Variants in PSTPIP1 observed in about 807,000 individuals in gnomAD.
PSTPIP1 encodes proline-serine-threonine phosphatase-interacting protein 1.
A neutral mutation model predicts 69.6 loss-of-function variants in PSTPIP1; 66 were observed. The observed-to-expected ratio is 0.95, with a 90% confidence interval of 0.78 to 1.16. The LOEUF is 1.16. PSTPIP1 is among the 50% of genes most tolerant of loss of function. The pLI, the probability that PSTPIP1 is intolerant of heterozygous loss-of-function variation, is 0.00. For missense variants in PSTPIP1, 603 were observed against 557.4 expected (o/e 1.08, Z -0.82); for synonymous variants, 266 against 222.7 (o/e 1.19, Z -1.73).
At chr15:77,022,449 A>G (rs1482919736) in intron 3 of PSTPIP1, among the ~76,000 whole-genome samples, 1 of 152,258 alleles carries the variant, frequency 6.6e-6, no homozygotes, top group East Asian at 1.9e-4. Context: ...GGCACTGGTG[A>G]CAGATGGCAG....
At chr15:77,015,135 C>A (rs1234855216) in intron 1 of PSTPIP1, among the ~76,000 whole-genome samples, 1 of 152,198 alleles carries the variant, frequency 6.6e-6, no homozygotes, top group Non-Finnish European at 1.5e-5. Context: ...TGAATTATAG[C>A]CCAAAATACA....
chr15:76,995,149 GCTGCCTGCCTGC>G lies in PSTPIP1; in HGVS notation c.-413_-402del. On this transcript the variant is annotated 5_prime_UTR_variant, in exon 1 of 15. Coordinates refer to ENST00000558012, the MANE Select transcript of PSTPIP1 (RefSeq NM_003978.5). Reference sequence around the variant, plus strand: ...ACAAACCTTCCTGCGCAGGCCTCGGGCTGCCTGCCTGCCTGCCTGCCTGGCCCGGCCCGAGCT... The same window carrying G: ...ACAAACCTTCCTGCGCAGGCCTCGGGCTGCCTGCCTGGCCCGGCCCGAGCT... 8.5e-7 allele frequency: 1 copy of G among 1,170,604 alleles called. No homozygotes were observed. 72.5% of individuals were successfully genotyped at this position (1,170,604 alleles called of 1,614,324 possible).
chr15:77,020,868 TGGG>T (rs201125747), intron 3 of PSTPIP1, among the ~76,000 whole-genome samples: 5,089 of 115,532 alleles, frequency 0.044, 129 homozygotes, highest in East Asian at 0.058. Flanking sequence ...TAGACTCCTG[TGGG>T]GGGGGGGGGT....
intron 5 of PSTPIP1, among the ~76,000 whole-genome samples, chr15:77,026,842 C>T (rs781666219): frequency 1.3e-4 from 20 of 152,226 alleles, no homozygotes; most frequent in Admixed American, 5.2e-4. Flanking sequence ...GGAGGGACCC[C>T]GGCCCTGCTA....
chr15:77,019,618 G>A (rs1301943077), intron 3 of PSTPIP1, among the ~76,000 whole-genome samples: 2 of 152,178 alleles, frequency 1.3e-5, no homozygotes, highest in South Asian at 2.1e-4. Context: ...GTCCCGGCTC[G>A]GCCAATCTGA....
intron 11 of PSTPIP1, 120 bp downstream of exon 11, chr15:77,032,514 A>G: frequency 9.2e-7 from 1 of 1,085,354 alleles, no homozygotes; most frequent in Non-Finnish European, 1.4e-6. Flanking sequence ...TTCAGGGCAG[A>G]GAAGCCCTAG....
chr15:76,999,271 A>C (rs2075646652), intron 1 of PSTPIP1, among the ~76,000 whole-genome samples: 1 of 149,014 alleles, frequency 6.7e-6, no homozygotes. Context: ...CCCATTTTTT[A>C]CTTCATTTCA....
chr15:77,012,251 A>G (rs2075957929), intron 1 of PSTPIP1, among the ~76,000 whole-genome samples: 1 of 145,488 alleles, frequency 6.9e-6, no homozygotes, highest in Non-Finnish European at 1.5e-5. Flanking sequence ...CCACTCATCC[A>G]TCTACCTACC....
At chr15:76,995,849 A>C (rs1596029695) in intron 1 of PSTPIP1, among the ~76,000 whole-genome samples, 1 of 152,192 alleles carries the variant, frequency 6.6e-6, no homozygotes, top group East Asian at 1.9e-4. Flanking sequence ...CTCCTCTGGG[A>C]GACCTCTCCC....
At chr15:77,035,349 G>A (rs2076533194) in intron 12 of PSTPIP1, among the ~76,000 whole-genome samples, 159 bp from the exon 13 acceptor site, 1 of 152,158 alleles carries the variant, frequency 6.6e-6, no homozygotes, top group African/African-American at 2.4e-5. Context: ...CTGCCTGAGG[G>A]GCACCTCATA....
intron 1 of PSTPIP1, among the ~76,000 whole-genome samples, chr15:77,014,455 G>A (rs2076009671): frequency 6.6e-6 from 1 of 152,198 alleles, no homozygotes; most frequent in Admixed American, 6.5e-5. Context: ...ACAGGCCCGA[G>A]TACCCTCTCT....
intron 1 of PSTPIP1, among the ~76,000 whole-genome samples, chr15:77,008,630 G>C (rs1005797095): frequency 4.6e-5 from 7 of 152,092 alleles, no homozygotes; most frequent in African/African-American, 1.7e-4. Flanking sequence ...GGCTTGTCTC[G>C]CACTCCTGAC....
intron 1 of PSTPIP1, among the ~76,000 whole-genome samples, chr15:77,003,163 A>G (rs1270311625): frequency 6.6e-6 from 1 of 152,122 alleles, no homozygotes; most frequent in Non-Finnish European, 1.5e-5. Context: ...GCAAAAGAGG[A>G]CAGAGGCTGC....
At chr15:77,003,828 G>A (rs1035605160) in intron 1 of PSTPIP1, among the ~76,000 whole-genome samples, 6 of 152,104 alleles carry the variant, frequency 3.9e-5, no homozygotes, top group Admixed American at 1.3e-4. Flanking sequence ...AGGTTGGGGC[G>A]GCTCAGGGCA....
chr15:77,036,917 G>T, intron 14 of PSTPIP1, 128 bp from the exon 15 acceptor site: 1 of 1,300,254 alleles, frequency 7.7e-7, no homozygotes. Context: ...GTGTCCCCAA[G>T]GGGCTGCCCC....
Position 77,007,884 on chromosome 15 carries a change from G to A in PSTPIP1, c.37-10264G>A, listed in dbSNP as rs139903276. 340 of 455,888 alleles carry A rather than the reference G, an allele frequency of 7.5e-4. No homozygotes were observed. Among genetic ancestry groups the A allele is most frequent in the East Asian group, 1.5e-3 (22 of 14,346 alleles). 28.2% of individuals were successfully genotyped at this position (455,888 alleles called of 1,614,324 possible). ...GCTGGGATTACAAGTGTGAGCCACCGCGCCCGACTGGCAATAGAACACTTT... is the reference window on the plus strand; with the variant it reads ...GCTGGGATTACAAGTGTGAGCCACCACGCCCGACTGGCAATAGAACACTTT... On this transcript the variant is annotated intron_variant, in intron 1 of 14. Coordinates refer to ENST00000558012, the MANE Select transcript of PSTPIP1 (RefSeq NM_003978.5).
chr15:77,018,444 CTTTTT>C lies in PSTPIP1; in HGVS notation c.138-9_138-5del. ...AGTCACTGATGATCTTTCAAATGCC[CTTTTT>C]TTTGCAGGGCCCAGGCGGAGGAGCG... On this transcript the variant is annotated splice_region_variant and splice_polypyrimidine_tract_variant and intron_variant, in intron 2 of 14. Coordinates refer to ENST00000558012, the MANE Select transcript of PSTPIP1 (RefSeq NM_003978.5). 1 of 1,566,880 alleles carries C rather than the reference CTTTTT, an allele frequency of 6.4e-7. No individual in the cohort carries two copies. The highest frequency in any genetic ancestry group is 8.7e-7 in the Non-Finnish European group (1 of 1,155,280).
chr15:77,015,985 G>A (rs755980692), intron 1 of PSTPIP1: 35 of 456,156 alleles, frequency 7.7e-5, no homozygotes, highest in African/African-American at 5.8e-4. Context: ...GACTCCTCCC[G>A]AATGGCCAGC....
chr15:77,032,277 C>G, intron 10 of PSTPIP1, 21 bp from the exon 11 acceptor site: 1 of 1,610,968 alleles, frequency 6.2e-7, no homozygotes, highest in Non-Finnish European at 8.5e-7. Flanking sequence ...GGGCTGCGGC[C>G]TCTGCTCTTT....
Sources: allele counts gnomAD v4.1 joint callset (sites outside exome capture counted in the v4.1 genomes callset), GRCh38; gene constraint gnomAD v4.1.1; transcripts MANE v1.5; gene names NCBI Gene and HGNC (gene_info 2026-07-23, HGNC 2026-07-21).